The following MAGI2 variants were observed in gnomAD, a reference collection of about 807,000 sequenced individuals.
MAGI2 encodes the protein membrane-associated guanylate kinase, WW and PDZ domain-containing protein 2.
Under a neutral mutation model 133.3 loss-of-function variants are expected in MAGI2, and 35 were observed. That is an observed-to-expected ratio of 0.26 (90% confidence interval 0.20 to 0.35). The LOEUF (loss-of-function observed/expected upper bound fraction) is 0.35, where lower values mean the gene tolerates loss of function less well. MAGI2 is among the 10% of genes least tolerant of loss of function. MAGI2 has a pLI of 1.00. For synonymous variants in MAGI2, 729 were observed against 710.6 expected, an observed-to-expected ratio of 1.03 and a Z score of -0.41; for missense variants, 1,636 against 1,863.4, an observed-to-expected ratio of 0.88 and a Z score of 2.25.
intron 6 of MAGI2, among the ~76,000 whole-genome samples, chr7:78,387,028 C>T (rs1795449387): frequency 6.6e-6 from 1 of 152,090 alleles, no homozygotes; most frequent in South Asian, 2.1e-4. Context: ...CAGAATTAAC[C>T]CTGATAGACA....
intron 3 of MAGI2, among the ~76,000 whole-genome samples, chr7:78,581,699 A>G (rs1390106817): frequency 6.6e-6 from 1 of 152,234 alleles, no homozygotes; most frequent in African/African-American, 2.4e-5. Context: ...TAAGAGAGAA[A>G]GCATACAAAT....
chr7:79,430,893 A>G (rs1847733209), intron 1 of MAGI2, among the ~76,000 whole-genome samples: 1 of 152,218 alleles, frequency 6.6e-6, no homozygotes, highest in African/African-American at 2.4e-5. Context: ...CTGCAATGCC[A>G]AAGAAGACCA....
intron 2 of MAGI2, among the ~76,000 whole-genome samples, chr7:78,883,314 G>A (rs1190214589): frequency 6.6e-6 from 1 of 151,820 alleles, no homozygotes. Flanking sequence ...AGGAATACAT[G>A]TAACCAAGGA....
chr7:78,111,820 G>A (rs952458712), intron 20 of MAGI2, among the ~76,000 whole-genome samples: 4 of 152,236 alleles, frequency 2.6e-5, no homozygotes, highest in African/African-American at 7.2e-5. Context: ...GCATCTGGAC[G>A]AAATGGTCTT....
chr7:79,335,233 A>T (rs1174492919), intron 1 of MAGI2, among the ~76,000 whole-genome samples: 3 of 152,162 alleles, frequency 2.0e-5, no homozygotes, highest in Admixed American at 1.3e-4. Flanking sequence ...AATGACTTTA[A>T]CATAGTTTAT....
chr7:78,784,925 A>T (rs1337881936), intron 2 of MAGI2, among the ~76,000 whole-genome samples: 2 of 152,036 alleles, frequency 1.3e-5, no homozygotes, highest in African/African-American at 4.8e-5. Context: ...CCCTTAAATA[A>T]TGCAATAGCT....
At chr7:79,009,144 C>T (rs1324079489) in intron 1 of MAGI2, 1 of 152,060 alleles carries the variant, frequency 6.6e-6, no homozygotes, top group East Asian at 1.9e-4. Context: ...AATCACTCAC[C>T]TAATGTAATG....
intron 2 of MAGI2, among the ~76,000 whole-genome samples, chr7:78,759,644 T>C (rs994979647): frequency 6.6e-6 from 1 of 152,212 alleles, no homozygotes; most frequent in Admixed American, 6.5e-5. Context: ...GATGCTAATA[T>C]AAAGTTGTGA....
intron 3 of MAGI2, among the ~76,000 whole-genome samples, chr7:78,578,878 C>T (rs1029903392): frequency 1.6e-4 from 24 of 152,168 alleles, no homozygotes; most frequent in African/African-American, 5.8e-4. Context: ...GAAACTTCTC[C>T]TTTCCCCACA....
chr7:78,356,463 G>A (rs575352449), intron 7 of MAGI2, among the ~76,000 whole-genome samples: 137 of 152,202 alleles, frequency 9.0e-4, no homozygotes, highest in African/African-American at 3.0e-3. Flanking sequence ...ACAGCTAGAC[G>A]GAGGATATTG....
chr7:78,752,401 G>A (rs770178747), intron 2 of MAGI2, among the ~76,000 whole-genome samples: 9 of 152,028 alleles, frequency 5.9e-5, no homozygotes, highest in Non-Finnish European at 1.3e-4. Context: ...TCAGGAGTTC[G>A]AGACCACCCT....
intron 4 of MAGI2, among the ~76,000 whole-genome samples, chr7:78,519,452 G>A (rs1796313302): frequency 6.6e-6 from 1 of 152,080 alleles, no homozygotes; most frequent in Non-Finnish European, 1.5e-5. Context: ...AGCCACTGTT[G>A]GCAGTATCCA....
At chr7:78,055,561 A>G (rs1812479985) in intron 21 of MAGI2, among the ~76,000 whole-genome samples, 2 of 152,174 alleles carry the variant, frequency 1.3e-5, no homozygotes, top group South Asian at 2.1e-4. Context: ...TGGGGTACAA[A>G]GGAATATAAA....
At chr7:79,350,194 T>C (rs375233771) in intron 1 of MAGI2, among the ~76,000 whole-genome samples, 5 of 152,118 alleles carry the variant, frequency 3.3e-5, no homozygotes, top group African/African-American at 4.8e-5. Context: ...AAAGCCTGCA[T>C]GTTCCTTTAG....
chr7:78,320,820 A>G (rs1439144593), intron 9 of MAGI2, among the ~76,000 whole-genome samples: 1 of 152,112 alleles, frequency 6.6e-6, no homozygotes, highest in Non-Finnish European at 1.5e-5. Context: ...ATAGGAAGAG[A>G]GGAAGTCAAA....
intron 20 of MAGI2, among the ~76,000 whole-genome samples, chr7:78,124,509 G>C (rs1403251590): frequency 1.3e-5 from 2 of 152,180 alleles, no homozygotes; most frequent in Non-Finnish European, 2.9e-5. Context: ...GCGTATCATA[G>C]AAATGCAGAC....
In MAGI2 at chr7:78,243,412, G is replaced by T. The variant is rs972617753; in HGVS notation, c.2047+12531C>A. ...ACTTGTGAATATTTTTTAGAAAAAA[G>T]TATTAGCACTGTTATATTAATACTT... On this transcript the variant is annotated intron_variant, in intron 10 of 21. Coordinates refer to ENST00000354212, the MANE Select transcript of MAGI2 (RefSeq NM_012301.4). Among the ~76,000 whole-genome samples, 3 of 152,264 alleles carry T rather than the reference G, an allele frequency of 2.0e-5. No individual in the cohort carries two copies. In the South Asian group the frequency reaches 6.2e-4, roughly 32 times the overall value.
chr7:79,453,461 C>T lies in MAGI2; in HGVS notation c.-141G>A. On this transcript the variant is annotated 5_prime_UTR_variant, in exon 1 of 22. Coordinates refer to ENST00000354212, the MANE Select transcript of MAGI2 (RefSeq NM_012301.4). ...TTCGCCCCCCTCTATTCGGTGCTTT[C>T]CCTCTTCTTTGGATGGAGTGTGGAC... 6.8e-7 allele frequency: 1 copy of T among 1,470,082 alleles called. No homozygotes were observed. The highest frequency in any genetic ancestry group is 8.9e-7 in the Non-Finnish European group (1 of 1,118,258). The allele number at this position is 1,470,082 out of a possible 1,614,324, so 91.1% of individuals were successfully genotyped here.
intron 20 of MAGI2, among the ~76,000 whole-genome samples, chr7:78,088,787 G>A (rs1368240006): frequency 6.6e-6 from 1 of 152,198 alleles, no homozygotes; most frequent in African/African-American, 2.4e-5. Flanking sequence ...ATCCCCAGAT[G>A]TCCACCTCCT....
Sources: gnomAD v4.1 joint callset for allele counts (sites outside exome capture counted in the v4.1 genomes callset) on GRCh38, gnomAD v4.1.1 for gene constraint, MANE v1.5 for transcripts, NCBI Gene and HGNC (gene_info 2026-07-23, HGNC 2026-07-21) for gene names.